PCSK5: variants seen among roughly 807,000 people sequenced by gnomAD.
PCSK5 encodes proprotein convertase subtilisin/kexin type 5.
Under a neutral mutation model 233.2 loss-of-function variants are expected in PCSK5, and 129 were observed. The ratio of observed to expected loss-of-function variants is 0.55; its 90% CI spans 0.48 to 0.64. The LOEUF (loss-of-function observed/expected upper bound fraction) is 0.64. Ranked by LOEUF, PCSK5 falls within the 30% of genes least tolerant of loss-of-function variation. The pLI is 0.00. For missense variants in PCSK5, 2,076 were observed against 2,430.1 expected (o/e 0.85, Z 3.06); for synonymous variants, 825 against 879.2 (o/e 0.94, Z 1.09).
At chr9:76,252,936 T>G (rs1356859675) in intron 24 of PCSK5, among the ~76,000 whole-genome samples, 22 of 152,204 alleles carry the variant, frequency 1.4e-4, no homozygotes, top group Admixed American at 1.4e-3. Flanking sequence ...TTATTTCACT[T>G]TTACTCAGAT....
chr9:76,121,495 A>C (rs1832628050), intron 9 of PCSK5, among the ~76,000 whole-genome samples: 1 of 152,206 alleles, frequency 6.6e-6, no homozygotes, highest in Non-Finnish European at 1.5e-5. Flanking sequence ...TACCTACAGC[A>C]GATAAATAGC....
intron 20 of PCSK5, among the ~76,000 whole-genome samples, chr9:76,205,353 A>G (rs1163402795): frequency 6.6e-6 from 1 of 152,154 alleles, no homozygotes; most frequent in Non-Finnish European, 1.5e-5. Context: ...TTCGCAGACC[A>G]TAGAGGGCCC....
intron 1 of PCSK5, among the ~76,000 whole-genome samples, chr9:75,897,647 C>T (rs1204235628): frequency 6.6e-6 from 1 of 152,024 alleles, no homozygotes; most frequent in Non-Finnish European, 1.5e-5. Flanking sequence ...GCAAGCACCA[C>T]CACACCTGGC....
chr9:76,188,715 G>T (rs776915989), intron 18 of PCSK5, 40 bp downstream of exon 18: 2 of 1,498,936 alleles, frequency 1.3e-6, no homozygotes, highest in African/African-American at 1.4e-5. Flanking sequence ...CCCGGTTCTG[G>T]TTTTGCTTTT....
chr9:75,912,949 G>A (rs900817589), intron 1 of PCSK5, among the ~76,000 whole-genome samples: 1 of 152,036 alleles, frequency 6.6e-6, no homozygotes, highest in Admixed American at 6.6e-5. Context: ...CCTTGCAGTC[G>A]CTCAAATCCT....
chr9:76,132,392 G>A (rs527345765), intron 9 of PCSK5, among the ~76,000 whole-genome samples: 186 of 152,030 alleles, frequency 1.2e-3, no homozygotes, highest in African/African-American at 4.1e-3. Flanking sequence ...TGTTTTCATC[G>A]TTCTCATATT....
chr9:76,206,556 G>A (rs1044571474), intron 20 of PCSK5, among the ~76,000 whole-genome samples: 17 of 152,168 alleles, frequency 1.1e-4, no homozygotes, highest in Middle Eastern at 3.2e-3. Context: ...ACAGCTAATT[G>A]TCTCCACTTG....
intron 8 of PCSK5, among the ~76,000 whole-genome samples, chr9:76,103,474 C>G (rs1831847150): frequency 6.6e-6 from 1 of 152,050 alleles, no homozygotes; most frequent in South Asian, 2.1e-4. Flanking sequence ...TCAATCTGAA[C>G]TGAGATTCCC....
chr9:76,275,341 T>C (rs1827657610), intron 24 of PCSK5, among the ~76,000 whole-genome samples: 5 of 152,176 alleles, frequency 3.3e-5, no homozygotes, highest in Admixed American at 3.3e-4. Context: ...CTAACTATAA[T>C]AAGAATGCTC....
At chr9:76,294,786 G>A (rs979967108) in intron 25 of PCSK5, among the ~76,000 whole-genome samples, 1 of 152,134 alleles carries the variant, frequency 6.6e-6, no homozygotes, top group Non-Finnish European at 1.5e-5. Flanking sequence ...GGTCCAGAAG[G>A]AGGTGGTTAG....
At chr9:76,004,164 A>T (rs1475829104) in intron 3 of PCSK5, among the ~76,000 whole-genome samples, 1 of 152,074 alleles carries the variant, frequency 6.6e-6, no homozygotes, top group Non-Finnish European at 1.5e-5. Flanking sequence ...TGGGAAACTG[A>T]GGAGGGTAGG....
At chr9:76,272,197 A>G (rs1318322567) in intron 24 of PCSK5, among the ~76,000 whole-genome samples, 2 of 152,150 alleles carry the variant, frequency 1.3e-5, no homozygotes, top group African/African-American at 4.8e-5. Flanking sequence ...GGAAGACATA[A>G]TTCAACTCAC....
At chr9:76,048,823 T>C (rs1261352562) in intron 5 of PCSK5, among the ~76,000 whole-genome samples, 1 of 152,210 alleles carries the variant, frequency 6.6e-6, no homozygotes, top group African/African-American at 2.4e-5. Flanking sequence ...TTTCCAATGG[T>C]TATTATTTCA....
intron 6 of PCSK5, among the ~76,000 whole-genome samples, chr9:76,068,728 G>T (rs981865170): frequency 6.6e-6 from 1 of 152,114 alleles, no homozygotes; most frequent in African/African-American, 2.4e-5. Flanking sequence ...GCAACAGCCT[G>T]GTGCCACAGC....
rs549688698 is a variant in PCSK5 at position 76,158,931 on chromosome 9, C to T, written c.1431-52C>T. On this transcript the variant is annotated intron_variant, in intron 11 of 37. Coordinates refer to ENST00000674117, the MANE Select transcript of PCSK5 (RefSeq NM_001372043.1). ...TATTCCATGCCTCCAGGTTCACTCA[C>T]CTGAGCTCTGTGATGTCATTTGCTC... 7 of 1,486,066 alleles carry T rather than the reference C, an allele frequency of 4.7e-6. No individual in the cohort carries two copies. The Admixed American group carries it at 1.0e-4, about 22-fold the overall frequency. 92.1% of individuals were successfully genotyped at this position (1,486,066 alleles called of 1,614,324 possible). A position where few individuals can be genotyped will look rare whatever the true frequency, so the allele number is the denominator to read the frequency against.
chr9:76,208,770 G>C (rs1176620427), intron 20 of PCSK5, among the ~76,000 whole-genome samples: 1 of 152,180 alleles, frequency 6.6e-6, no homozygotes, highest in Non-Finnish European at 1.5e-5. Flanking sequence ...AATTCTGATT[G>C]CTCATGCGGT....
chr9:75,903,627 A>AT (rs1826150500), intron 1 of PCSK5, among the ~76,000 whole-genome samples: 1 of 142,316 alleles, frequency 7.0e-6, no homozygotes, highest in Admixed American at 7.0e-5. Flanking sequence ...ATATATATAA[A>AT]ATAAGTATTT....
At chr9:76,219,559 G>A (rs145101406) in intron 20 of PCSK5, among the ~76,000 whole-genome samples, 269 of 152,244 alleles carry the variant, frequency 1.8e-3, no homozygotes, top group Non-Finnish European at 3.2e-3. Context: ...ATGTAGTTCA[G>A]AACCTCAGGA....
intron 22 of PCSK5, among the ~76,000 whole-genome samples, chr9:76,234,882 T>C (rs1050259240): frequency 2.0e-5 from 3 of 152,230 alleles, no homozygotes; most frequent in African/African-American, 7.2e-5. Flanking sequence ...ATTTGAGATG[T>C]TTCCTCTTCT....
Sources: gnomAD v4.1 joint callset for allele counts (sites outside exome capture counted in the v4.1 genomes callset) on GRCh38, gnomAD v4.1.1 for gene constraint, MANE v1.5 for transcripts, NCBI Gene and HGNC (gene_info 2026-07-23, HGNC 2026-07-21) for gene names.